The following SEPTIN10 variants were observed in gnomAD, a reference collection of about 807,000 sequenced individuals.
The protein encoded by SEPTIN10 is septin 10.
A neutral mutation model predicts 54.8 loss-of-function variants in SEPTIN10; 66 were observed. The ratio of observed to expected loss-of-function variants is 1.21; its 90% CI spans 0.99 to 1.48. SEPTIN10 has a LOEUF of 1.48. Ranked by LOEUF, SEPTIN10 falls within the 40% of genes most tolerant of loss-of-function variation. The pLI is 0.00. For missense variants in SEPTIN10, 620 were observed against 545.6 expected, an observed-to-expected ratio of 1.14 and a Z score of -1.36; for synonymous variants, 161 against 181.0, an observed-to-expected ratio of 0.89 and a Z score of 0.89.
chr2:109,582,869 A>G (rs1691556455), intron 4 of SEPTIN10, among the ~76,000 whole-genome samples: 1 of 152,190 alleles, frequency 6.6e-6, no homozygotes, highest in South Asian at 2.1e-4. Context: ...CTAGAAATAA[A>G]GCCGCACACC....
At chr2:109,610,475 G>C (rs1257273813) in intron 1 of SEPTIN10, among the ~76,000 whole-genome samples, 1 of 152,202 alleles carries the variant, frequency 6.6e-6, no homozygotes, top group Admixed American at 6.5e-5. Flanking sequence ...AACACTTCGG[G>C]AGACTGAGAC....
rs553183012 is a variant in SEPTIN10, at chr2:109,553,808, C to A, written c.1029-589G>T. 2.6e-5 allele frequency among the ~76,000 whole-genome samples: 4 copies of A among 151,264 alleles called. No individual in the cohort carries two copies. The South Asian group carries it at 8.4e-4, about 32-fold the overall frequency. On this transcript the variant is annotated intron_variant, in intron 8 of 10. Coordinates refer to ENST00000397712, the MANE Select transcript of SEPTIN10 (RefSeq NM_144710.5). ...GGTGAAGGTTGCAGTGAGCCAAGATCGCGCCACTGCATTCCAGCCTGGGCG... is the reference window on the plus strand; with the variant it reads ...GGTGAAGGTTGCAGTGAGCCAAGATAGCGCCACTGCATTCCAGCCTGGGCG...
intron 2 of SEPTIN10, among the ~76,000 whole-genome samples, chr2:109,590,694 GC>G: frequency 6.6e-6 from 1 of 152,154 alleles, no homozygotes; most frequent in Non-Finnish European, 1.5e-5. Flanking sequence ...CTCCCAAAGT[GC>G]TAGGATTACA....
intron 1 of SEPTIN10, among the ~76,000 whole-genome samples, chr2:109,604,227 C>G (rs914215285): frequency 5.3e-5 from 8 of 149,906 alleles, no homozygotes; most frequent in Admixed American, 4.0e-4. Flanking sequence ...GCCTGTAATC[C>G]CAGCAACTTG....
intron 1 of SEPTIN10, among the ~76,000 whole-genome samples, chr2:109,594,301 G>A (rs570262347): frequency 6.6e-6 from 1 of 152,130 alleles, no homozygotes; most frequent in East Asian, 1.9e-4. Context: ...GTGTCAATGA[G>A]AATACAGTGC....
intron 10 of SEPTIN10, chr2:109,545,605 C>G: frequency 6.5e-7 from 1 of 1,531,908 alleles, no homozygotes; most frequent in Non-Finnish European, 8.7e-7. Flanking sequence ...AAAACTGAAC[C>G]TAAGAATTAA....
At chr2:109,565,932 G>GA (rs1408468765) in intron 6 of SEPTIN10, 73 bp from the exon 7 acceptor site, 3 of 1,277,056 alleles carry the variant, frequency 2.3e-6, no homozygotes, top group Non-Finnish European at 3.4e-6. Flanking sequence ...TTTTATGTGA[G>GA]AGAGAAGAGA....
chr2:109,607,918 T>C (rs975708616), intron 1 of SEPTIN10, among the ~76,000 whole-genome samples: 1 of 152,126 alleles, frequency 6.6e-6, no homozygotes, highest in Non-Finnish European at 1.5e-5. Context: ...TTCTATAAAG[T>C]AGATTTCATG....
At chr2:109,585,864 ACAG>A in intron 2 of SEPTIN10, 26 bp from the exon 3 acceptor site, 1 of 1,577,510 alleles carries the variant, frequency 6.3e-7, no homozygotes, top group African/African-American at 1.4e-5. Context: ...AACAAAAACA[ACAG>A]CAATAAAAAA....
chr2:109,599,387 G>A (rs1351363727), intron 1 of SEPTIN10, among the ~76,000 whole-genome samples: 1 of 151,696 alleles, frequency 6.6e-6, no homozygotes, highest in Non-Finnish European at 1.5e-5. Flanking sequence ...GAACTCAGGA[G>A]GCGGAGGTTG....
At chr2:109,573,299 A>C (rs1688822711) in intron 5 of SEPTIN10, among the ~76,000 whole-genome samples, 1 of 152,208 alleles carries the variant, frequency 6.6e-6, no homozygotes, top group Non-Finnish European at 1.5e-5. Context: ...CTCCACTGAC[A>C]CCAGCTTCTA....
intron 1 of SEPTIN10, chr2:109,613,001 T>C (rs1573926467): frequency 4.2e-6 from 2 of 478,676 alleles, no homozygotes; most frequent in East Asian, 1.4e-4. Context: ...AGAGCTTTTG[T>C]TTACACAGAT....
chr2:109,609,610 C>T (rs796434857), intron 1 of SEPTIN10, among the ~76,000 whole-genome samples: 3 of 105,878 alleles, frequency 2.8e-5, no homozygotes, highest in South Asian at 6.8e-4. Flanking sequence ...AGCAAGACTC[C>T]GCCTCAAAAA....
chr2:109,577,055 T>C (rs1689849093), intron 4 of SEPTIN10, among the ~76,000 whole-genome samples: 1 of 150,736 alleles, frequency 6.6e-6, no homozygotes, highest in African/African-American at 2.4e-5. Context: ...TGGATAACAA[T>C]AAAAACAAAG....
intron 9 of SEPTIN10, among the ~76,000 whole-genome samples, chr2:109,549,598 T>A (rs1223507063): frequency 1.3e-5 from 2 of 152,206 alleles, no homozygotes; most frequent in Non-Finnish European, 2.9e-5. Flanking sequence ...GGATCTTTTG[T>A]GCTATCAATA....
chr2:109,571,133 G>A (rs1445924993), intron 5 of SEPTIN10, among the ~76,000 whole-genome samples: 1 of 152,146 alleles, frequency 6.6e-6, no homozygotes, highest in Non-Finnish European at 1.5e-5. Context: ...AGACATGCCT[G>A]CTTCCCCTTC....
At chr2:109,586,270 T>C (rs1366170916) in intron 2 of SEPTIN10, among the ~76,000 whole-genome samples, 1 of 152,120 alleles carries the variant, frequency 6.6e-6, no homozygotes, top group African/African-American at 2.4e-5. Flanking sequence ...GTAACTTAGG[T>C]CAAACTTACC....
At chr2:109,604,030 C>T (rs1326517122) in intron 1 of SEPTIN10, among the ~76,000 whole-genome samples, 1 of 151,664 alleles carries the variant, frequency 6.6e-6, no homozygotes, top group Non-Finnish European at 1.5e-5. Context: ...GGCATAGTGG[C>T]AGATGCCTGT....
intron 9 of SEPTIN10, 106 bp from the exon 10 acceptor site, chr2:109,546,343 C>A: frequency 3.4e-6 from 2 of 590,556 alleles, no homozygotes; most frequent in South Asian, 4.4e-5. Context: ...CACAGAATAA[C>A]CTACACAGTC....
Sources: allele counts gnomAD v4.1 joint callset (sites outside exome capture counted in the v4.1 genomes callset), GRCh38; gene constraint gnomAD v4.1.1; transcripts MANE v1.5; gene names NCBI Gene and HGNC (gene_info 2026-07-23, HGNC 2026-07-21).